Variants in GABRB1 observed in about 807,000 individuals in gnomAD.
GABRB1 encodes gamma-aminobutyric acid receptor subunit beta-1.
Under a neutral mutation model 51.6 loss-of-function variants are expected in GABRB1, and 17 were observed. That is an observed-to-expected ratio of 0.33 (90% CI 0.23 to 0.49). GABRB1 has a LOEUF of 0.49. Among genes scored for constraint, GABRB1 ranks in the 20% least tolerant of loss-of-function variants. The probability of loss-of-function intolerance (pLI) is 0.99; values close to 1 mark genes in which losing one functional copy is unlikely to be tolerated. For synonymous variants in GABRB1, 247 were observed against 218.9 expected, an observed-to-expected ratio of 1.13 and a Z score of -1.14; for missense variants, 410 against 600.6, an observed-to-expected ratio of 0.68 and a Z score of 3.32.
intron 4 of GABRB1, among the ~76,000 whole-genome samples, chr4:47,183,545 T>C (rs1719047540): frequency 6.6e-6 from 1 of 151,760 alleles, no homozygotes; most frequent in African/African-American, 2.4e-5. Context: ...AAGCATGACC[T>C]ATTTATTCAT....
rs1019547256 is a variant in GABRB1, at chr4:47,247,520, T to C, written c.462-72607T>C. Among the ~76,000 whole-genome samples, 7 of 152,264 alleles carry C rather than the reference T, an allele frequency of 4.6e-5. No homozygotes were observed. The South Asian group carries it at 1.2e-3, about 27-fold the overall frequency. On this transcript the variant is annotated intron_variant, in intron 4 of 8. Transcript: ENST00000295454. ...CTATGCAAGCTCTTTTTTGGTTCCATATGAGTTTTAGAATTGTTTTTTCTA... is the reference window on the plus strand; with the variant it reads ...CTATGCAAGCTCTTTTTTGGTTCCACATGAGTTTTAGAATTGTTTTTTCTA...
At chr4:47,393,676 T>C (rs1415302289) in intron 5 of GABRB1, among the ~76,000 whole-genome samples, 1 of 152,238 alleles carries the variant, frequency 6.6e-6, no homozygotes, top group Non-Finnish European at 1.5e-5. Context: ...CCAACCTTTA[T>C]ATTATTCCCT....
intron 4 of GABRB1, among the ~76,000 whole-genome samples, chr4:47,213,166 C>T (rs1484102330): frequency 6.6e-6 from 1 of 152,178 alleles, no homozygotes; most frequent in Non-Finnish European, 1.5e-5. Context: ...CATTTTCCTG[C>T]ATAGCCTCTC....
At chr4:47,290,991 A>C (rs1723704171) in intron 4 of GABRB1, among the ~76,000 whole-genome samples, 1 of 152,226 alleles carries the variant, frequency 6.6e-6, no homozygotes. Context: ...ATAAGTAAGG[A>C]GGAGCCCAAT....
intron 5 of GABRB1, among the ~76,000 whole-genome samples, chr4:47,345,062 C>CAG (rs969564832): frequency 3.9e-5 from 6 of 152,140 alleles, no homozygotes; most frequent in Admixed American, 3.9e-4. Flanking sequence ...AAATGTTTTT[C>CAG]AGTGCCTGGC....
intron 4 of GABRB1, among the ~76,000 whole-genome samples, chr4:47,259,933 G>T (rs1051778721): frequency 6.6e-6 from 1 of 152,108 alleles, no homozygotes; most frequent in Non-Finnish European, 1.5e-5. Context: ...GGGTGTTAAA[G>T]TCTCCCATTA....
At chr4:47,246,684 A>G (rs1392863311) in intron 4 of GABRB1, among the ~76,000 whole-genome samples, 1 of 151,566 alleles carries the variant, frequency 6.6e-6, no homozygotes, top group African/African-American at 2.4e-5. Flanking sequence ...ATCCACACCA[A>G]CATGTACTGT....
chr4:47,068,296 A>G (rs1161970308), intron 3 of GABRB1, among the ~76,000 whole-genome samples: 1 of 152,162 alleles, frequency 6.6e-6, no homozygotes, highest in East Asian at 1.9e-4. Context: ...AAGCTATTTC[A>G]CTTTCTTATC....
intron 4 of GABRB1, among the ~76,000 whole-genome samples, chr4:47,294,978 G>A (rs1423159977): frequency 6.6e-6 from 1 of 152,204 alleles, no homozygotes; most frequent in African/African-American, 2.4e-5. Context: ...AGCCACCACT[G>A]CTGATACCCA....
In GABRB1 at chr4:47,070,954, A is replaced by T. The variant is rs114842981; in HGVS notation, c.240+38470A>T. On this transcript the variant is annotated intron_variant, in intron 3 of 8. Transcript: ENST00000295454. ...ATCTCCATTTATTTGTCTAATACGC[A>T]TCTCAAATTTAACATATCCAAACAA... 2.7e-3 allele frequency among the ~76,000 whole-genome samples: 413 copies of T among 152,280 alleles called. 7 individuals are homozygous for T. The highest frequency in any genetic ancestry group is 1.4e-3 in the Non-Finnish European group (93 of 68,028).
chr4:47,352,248 A>G (rs1043911084), intron 5 of GABRB1, among the ~76,000 whole-genome samples: 3 of 152,190 alleles, frequency 2.0e-5, no homozygotes, highest in African/African-American at 7.2e-5. Flanking sequence ...AACCAATAAC[A>G]GGATCTGAAA....
chr4:47,245,925 G>C (rs1050095023), intron 4 of GABRB1, among the ~76,000 whole-genome samples: 2 of 125,448 alleles, frequency 1.6e-5, no homozygotes, highest in African/African-American at 6.0e-5. Flanking sequence ...CTTTTTTCTT[G>C]TTTTCCATAA....
chr4:47,378,027 C>T (rs1283413189), intron 5 of GABRB1, among the ~76,000 whole-genome samples: 3 of 152,218 alleles, frequency 2.0e-5, no homozygotes, highest in East Asian at 1.9e-4. Context: ...CCTGCCAGTC[C>T]GGCACCGTGC....
chr4:47,263,416 A>G (rs574134318), intron 4 of GABRB1, among the ~76,000 whole-genome samples: 7 of 152,268 alleles, frequency 4.6e-5, no homozygotes, highest in African/African-American at 1.7e-4. Context: ...GTCACCGGGA[A>G]GAAGAGAAAA....
chr4:47,411,064 T>TA (rs1224381068), intron 8 of GABRB1, among the ~76,000 whole-genome samples: 11 of 152,054 alleles, frequency 7.2e-5, no homozygotes, highest in Admixed American at 6.5e-4. Context: ...CAATATATAG[T>TA]AAAAAATTAC....
At chr4:47,028,791 A>T, upstream of GABRB1, among the ~76,000 whole-genome samples, 1 of 148,588 alleles carries the variant, frequency 6.7e-6, no homozygotes, top group South Asian at 2.1e-4. Context: ...ATATATGTAT[A>T]TGTGTATATA....
At chr4:47,094,173 T>C (rs116315753) in intron 3 of GABRB1, among the ~76,000 whole-genome samples, 2,664 of 151,958 alleles carry the variant, frequency 0.018, 71 homozygotes, top group African/African-American at 0.06. Flanking sequence ...TTTTAAACTA[T>C]AGTTTTGAAA....
intron 5 of GABRB1, among the ~76,000 whole-genome samples, chr4:47,350,916 A>G (rs1311365738): frequency 6.6e-6 from 1 of 152,216 alleles, no homozygotes; most frequent in Admixed American, 6.6e-5. Flanking sequence ...AGGATGCCCA[A>G]CTGAGAGGCT....
intron 4 of GABRB1, among the ~76,000 whole-genome samples, chr4:47,263,740 G>A (rs1578046552): frequency 6.6e-6 from 1 of 152,200 alleles, no homozygotes; most frequent in East Asian, 1.9e-4. Context: ...ATAAATGAAA[G>A]GACACTGAGT....
Sources: allele counts gnomAD v4.1 joint callset (sites outside exome capture counted in the v4.1 genomes callset), GRCh38; gene constraint gnomAD v4.1.1; transcripts MANE v1.5; gene names NCBI Gene and HGNC (gene_info 2026-07-23, HGNC 2026-07-21).